The following ITGBL1 variants were observed in gnomAD, a reference collection of about 807,000 sequenced individuals.
ITGBL1 encodes integrin beta-like protein 1.
ITGBL1 carries 51 observed loss-of-function variants against 68.5 expected under a neutral mutation model. The observed-to-expected ratio is 0.74, with a 90% CI of 0.59 to 0.94. The LOEUF (loss-of-function observed/expected upper bound fraction) is 0.94. Among genes scored for constraint, ITGBL1 ranks in the 40% least tolerant of loss-of-function variants. ITGBL1 has a pLI of 0.00. For missense variants in ITGBL1, 649 were observed against 647.4 expected (o/e 1.00, Z -0.03); for synonymous variants, 209 against 227.3 (o/e 0.92, Z 0.72).
intron 3 of ITGBL1, among the ~76,000 whole-genome samples, chr13:101,574,674 A>G (rs952585783): frequency 9.2e-5 from 14 of 152,018 alleles, no homozygotes; most frequent in African/African-American, 3.4e-4. Flanking sequence ...TGGGCATTCT[A>G]CCTCTCAAAA....
intron 7 of ITGBL1, among the ~76,000 whole-genome samples, chr13:101,664,544 C>G (rs935723947): frequency 6.6e-6 from 1 of 152,040 alleles, no homozygotes; most frequent in African/African-American, 2.4e-5. Context: ...GTTAAAAATA[C>G]TGTTTAAATG....
At chr13:101,628,671 A>G (rs944532571) in intron 7 of ITGBL1, among the ~76,000 whole-genome samples, 2 of 146,936 alleles carry the variant, frequency 1.4e-5, no homozygotes, top group African/African-American at 5.1e-5. Context: ...TGATCTCTTG[A>G]CCTCGTGATC....
intron 9 of ITGBL1, among the ~76,000 whole-genome samples, chr13:101,707,974 C>G (rs2034299600): frequency 6.6e-6 from 1 of 150,684 alleles, no homozygotes; most frequent in African/African-American, 2.4e-5. Flanking sequence ...GCCATGGAAA[C>G]ATATTAAAGG....
intron 7 of ITGBL1, among the ~76,000 whole-genome samples, chr13:101,623,394 C>T (rs1925993): frequency 0.79 from 120,023 of 152,086 alleles, 47,374 homozygotes; most frequent in East Asian, 0.86. Context: ...AGTTTCATAT[C>T]TTTGTGTACT....
chr13:101,583,233 G>T lies in ITGBL1; in HGVS notation c.745G>T (p.Glu249Ter), dbSNP rs754238647. The change falls in exon 6 of 11, where the codon GAA (glutamate) becomes TAA (stop). Residue 249 changes from glutamate (E) to a stop codon, truncating the protein, a stop_gained. Coordinates refer to ENST00000376180, the MANE Select transcript of ITGBL1 (RefSeq NM_004791.3). LOFTEE classifies it high-confidence loss of function. ...CCACCTAGGGACTTGTGTATGTGGT[G>T]AATGTACCTGTCACGATGTTGATCC... ...CSNRGTCVCG[E>*]CTCHDVDPTG... 6.2e-7 allele frequency: 1 copy of T among 1,613,582 alleles called. No individual in the cohort carries two copies. Among genetic ancestry groups the T allele is most frequent in the African/African-American group, 1.3e-5 (1 of 74,842 alleles).
intron 7 of ITGBL1, among the ~76,000 whole-genome samples, chr13:101,631,488 G>GT (rs2031976482): frequency 6.6e-6 from 1 of 151,962 alleles, no homozygotes; most frequent in African/African-American, 2.4e-5. Context: ...CACATTTTCA[G>GT]ATACCCACAC....
At chr13:101,678,175 C>T (rs1022564723) in intron 7 of ITGBL1, among the ~76,000 whole-genome samples, 8 of 152,106 alleles carry the variant, frequency 5.3e-5, no homozygotes, top group South Asian at 2.1e-4. Flanking sequence ...ATCCCAAATT[C>T]GCATGTACAT....
chr13:101,579,553 TA>T, intron 5 of ITGBL1, 126 bp downstream of exon 5: 2 of 951,714 alleles, frequency 2.1e-6, no homozygotes, highest in Non-Finnish European at 3.1e-6. Flanking sequence ...TACTTTGATG[TA>T]AATCAACATT....
chr13:101,592,986 A>G (rs571499906), intron 6 of ITGBL1, among the ~76,000 whole-genome samples: 42 of 152,276 alleles, frequency 2.8e-4, no homozygotes, highest in African/African-American at 9.6e-4. Context: ...ATAGACCTAC[A>G]TAATGGGAGA....
At chr13:101,491,801 G>A (rs1003457950) in intron 2 of ITGBL1, among the ~76,000 whole-genome samples, 3 of 151,902 alleles carry the variant, frequency 2.0e-5, no homozygotes, top group Non-Finnish European at 4.4e-5. Flanking sequence ...ACAGGGCCCC[G>A]GTGTGTGATG....
At chr13:101,561,741 G>A (rs139081777) in intron 2 of ITGBL1, among the ~76,000 whole-genome samples, 71 of 152,180 alleles carry the variant, frequency 4.7e-4, no homozygotes, top group Non-Finnish European at 8.7e-4. Context: ...TCTATATCCA[G>A]CAAAAAGTAT....
chr13:101,627,243 A>G (rs2139400294), intron 7 of ITGBL1, among the ~76,000 whole-genome samples: 1 of 152,168 alleles, frequency 6.6e-6, no homozygotes, highest in Non-Finnish European at 1.5e-5. Flanking sequence ...ATGACCACAG[A>G]CCATAGCTTG....
intron 7 of ITGBL1, among the ~76,000 whole-genome samples, chr13:101,642,745 G>T (rs935032997): frequency 1.3e-5 from 2 of 151,834 alleles, no homozygotes; most frequent in African/African-American, 2.4e-5. Context: ...TTTGTATAAG[G>T]TGTAAGGAAG....
intron 2 of ITGBL1, among the ~76,000 whole-genome samples, chr13:101,539,185 G>A (rs772638665): frequency 1.4e-5 from 2 of 147,444 alleles, no homozygotes; most frequent in East Asian, 2.0e-4. Context: ...TATATCTCCT[G>A]ATGCTATCCC....
chr13:101,647,270 AAT>A (rs2032589219), intron 7 of ITGBL1, among the ~76,000 whole-genome samples: 2 of 152,196 alleles, frequency 1.3e-5, no homozygotes, highest in African/African-American at 4.8e-5. Flanking sequence ...TAGTAATAGA[AAT>A]AGTTATCCAA....
chr13:101,500,245 T>G (rs1346318455), intron 2 of ITGBL1, among the ~76,000 whole-genome samples: 2 of 152,174 alleles, frequency 1.3e-5, no homozygotes, highest in African/African-American at 4.8e-5. Context: ...TCTTTATAAA[T>G]TGTTTTCTTG....
intron 2 of ITGBL1, among the ~76,000 whole-genome samples, chr13:101,526,772 A>G (rs900176808): frequency 3.3e-5 from 5 of 151,928 alleles, no homozygotes; most frequent in African/African-American, 1.2e-4. Context: ...ATGTTTATTC[A>G]TCTATAATGC....
At chr13:101,567,387 TGA>T (rs1385964618) in intron 2 of ITGBL1, among the ~76,000 whole-genome samples, 1 of 152,112 alleles carries the variant, frequency 6.6e-6, no homozygotes, top group Non-Finnish European at 1.5e-5. Context: ...TCTTAAATAC[TGA>T]GATGCTGGAT....
chr13:101,684,548 T>G (rs2033712355), intron 7 of ITGBL1, among the ~76,000 whole-genome samples: 1 of 152,008 alleles, frequency 6.6e-6, no homozygotes, highest in South Asian at 2.1e-4. Flanking sequence ...GATTTATTTT[T>G]GTATATATGT....
Sources: gnomAD v4.1 joint callset for allele counts (sites outside exome capture counted in the v4.1 genomes callset) on GRCh38, gnomAD v4.1.1 for gene constraint, MANE v1.5 for transcripts, NCBI Gene and HGNC (gene_info 2026-07-23, HGNC 2026-07-21) for gene names.